VRTN: variants seen among roughly 807,000 people sequenced by gnomAD.
VRTN encodes vertnin.
VRTN carries 5 observed loss-of-function variants against 18.2 expected under a neutral mutation model. The ratio of observed to expected loss-of-function variants is 0.27; its 90% CI spans 0.14 to 0.58. The LOEUF is 0.58. Ranked by LOEUF, VRTN falls within the 20% of genes least tolerant of loss-of-function variation. The probability of loss-of-function intolerance (pLI) is 0.91; values close to 1 mark genes in which losing one functional copy is unlikely to be tolerated. For synonymous variants in VRTN, 381 were observed against 393.7 expected (o/e 0.97, Z 0.38); for missense variants, 741 against 939.4 (o/e 0.79, Z 2.76).
intron 1 of VRTN, chr14:74,306,649 T>C (rs920858156): frequency 2.0e-5 from 3 of 148,610 alleles, no homozygotes; most frequent in African/African-American, 7.5e-5. Context: ...TGCTCTGTGG[T>C]CCAGGTAGAG....
intron 1 of VRTN, among the ~76,000 whole-genome samples, chr14:74,328,736 G>A (rs2085502895): frequency 6.6e-6 from 1 of 152,244 alleles, no homozygotes; most frequent in Non-Finnish European, 1.5e-5. Flanking sequence ...CCTGGCTCAT[G>A]CTTGTAATCC....
intron 1 of VRTN, among the ~76,000 whole-genome samples, chr14:74,337,559 G>A (rs2140204847): frequency 6.6e-6 from 1 of 152,160 alleles, no homozygotes; most frequent in Non-Finnish European, 1.5e-5. Context: ...TCCCCTTCAT[G>A]GATGAAATAG....
chr14:74,324,718 T>C (rs1428425638), intron 1 of VRTN, among the ~76,000 whole-genome samples: 1 of 150,470 alleles, frequency 6.6e-6, no homozygotes, highest in Non-Finnish European at 1.5e-5. Context: ...CGAGACCCCG[T>C]CTCTACCAAA....
intron 1 of VRTN, among the ~76,000 whole-genome samples, chr14:74,303,556 C>A (rs115418527): frequency 6.6e-6 from 1 of 152,048 alleles, no homozygotes; most frequent in Non-Finnish European, 1.5e-5. Flanking sequence ...GTCTCAAAAA[C>A]AAATAAATAG....
rs1224330844 is a variant in VRTN at position 74,348,495 on chromosome 14, C to T, written c.-159C>T. 6.6e-6 allele frequency: 1 copy of T among 152,266 alleles called. No individual in the cohort carries two copies. Among genetic ancestry groups the T allele is most frequent in the African/African-American group, 2.4e-5 (1 of 41,458 alleles). The allele number at this position is 152,266 out of a possible 1,614,324, so 9.4% of individuals were successfully genotyped here. ...CAGTTGGCTGTAGACGGTCCATGCT[C>T]AATGGTCCTCTACAGATATGAAACT... On this transcript the variant is annotated 5_prime_UTR_variant, in exon 1 of 2. Coordinates refer to ENST00000256362, the MANE Select transcript of VRTN (RefSeq NM_018228.3).
At chr14:74,344,762 A>C (rs1389916992), upstream of VRTN, among the ~76,000 whole-genome samples, 2 of 146,412 alleles carry the variant, frequency 1.4e-5, no homozygotes, top group African/African-American at 2.5e-5. Context: ...AAAAAGAAAA[A>C]TGTAAAAATA....
intron 1 of VRTN, among the ~76,000 whole-genome samples, chr14:74,351,964 C>G (rs2085688093): frequency 6.6e-6 from 1 of 152,050 alleles, no homozygotes; most frequent in Non-Finnish European, 1.5e-5. Context: ...CTGCCTCAGC[C>G]TCCCGAGTAG....
intron 1 of VRTN, among the ~76,000 whole-genome samples, chr14:74,316,421 G>T (rs2085419887): frequency 6.6e-6 from 1 of 151,798 alleles, no homozygotes; most frequent in Non-Finnish European, 1.5e-5. Flanking sequence ...GCTGAGGCAG[G>T]AGAATCACTT....
chr14:74,307,975 GCCTCAGCCTC>G (rs2085365078), intron 1 of VRTN, among the ~76,000 whole-genome samples: 1 of 152,134 alleles, frequency 6.6e-6, no homozygotes, highest in Non-Finnish European at 1.5e-5. Context: ...TGATCTACCT[GCCTCAGCCTC>G]CCAAAGTGCT....
upstream of VRTN, among the ~76,000 whole-genome samples, chr14:74,343,979 T>C (rs957890539): frequency 6.6e-6 from 1 of 150,948 alleles, no homozygotes; most frequent in African/African-American, 2.4e-5. Flanking sequence ...TGTATTTTTG[T>C]AGATGCGGGG....
intron 1 of VRTN, among the ~76,000 whole-genome samples, chr14:74,329,582 A>ATT (rs879853327): frequency 2.9e-5 from 4 of 140,278 alleles, no homozygotes; most frequent in African/African-American, 5.2e-5. Context: ...CTGTGGAGGC[A>ATT]TTTTTTTTTT....
rs1246770806 is a variant in VRTN, at chr14:74,354,430, G to A, written c.-1-2353G>A. Among the ~76,000 whole-genome samples, 6 of 150,664 alleles carry A rather than the reference G, an allele frequency of 4.0e-5. No homozygotes were observed. In the South Asian group the frequency reaches 6.3e-4, roughly 16 times the overall value. ...ATGGGTCTTTTTTTTTTTTGAGATG[G>A]AGTCTCGCTCTGTCCCCAGGGTGGA... On this transcript the variant is annotated intron_variant, in intron 1 of 1. Transcript: ENST00000256362.
At chr14:74,306,954 A>G (rs17099305) in intron 1 of VRTN, among the ~76,000 whole-genome samples, 13,599 of 151,814 alleles carry the variant, frequency 0.09, 1,540 homozygotes, top group African/African-American at 0.26. Flanking sequence ...TTTTCTAAAT[A>G]TTGTCCTCCA....
rs1459325333 is a variant in VRTN at position 74,358,477 on chromosome 14, T to C, written c.1694T>C (p.Leu565Ser). The C allele has an allele frequency of 3.1e-6, 5 of 1,614,070 alleles. No homozygotes were observed. Among genetic ancestry groups the C allele is most frequent in the Non-Finnish European group, 4.2e-6 (5 of 1,179,994 alleles). ...AAACTTCAGGTGCCGGTCCCCACCT[T>C]GGGCAAAGGGGGGCAGGAGGCTGAG... ...LSKLQVPVPT[L>S]GKGGQEAEEK... The change falls in exon 2 of 2, where the codon TTG becomes TCG. Residue 565 changes from leucine to serine, a missense_variant. By Grantham distance (145) the Leu-to-Ser change is moderately radical (BLOSUM62 -2). This residue lies in a region of VRTN where 494 missense variants were observed against 546.5 expected (regional missense o/e 0.90). Coordinates refer to ENST00000256362, the MANE Select transcript of VRTN (RefSeq NM_018228.3). The surrounding 1 kb of genome is among the most constrained non-coding windows in gnomAD (Gnocchi z 5.4).
chr14:74,324,248 C>T (rs555352033), intron 1 of VRTN, among the ~76,000 whole-genome samples: 3 of 151,784 alleles, frequency 2.0e-5, no homozygotes, highest in South Asian at 2.1e-4. Context: ...GTTAGCTGAG[C>T]GTGGTGGCGG....
chr14:74,356,900 T>C lies in VRTN; in HGVS notation c.117T>C (p.Ser39=), dbSNP rs370012273. The change falls in exon 2 of 2, where the codon TCT becomes TCC. Residue 39 remains serine, a synonymous_variant. Coordinates refer to ENST00000256362, the MANE Select transcript of VRTN (RefSeq NM_018228.3). The stretch of plus-strand genomic sequence containing the variant: ...CCTTGGAGGCCAAGCAGGTCCTGTC[T>C]TCCTTCACTCTCCCCACCTGCCGGG... ...GASLEAKQVL[S]SFTLPTCREG... 6.2e-7 allele frequency: 1 copy of C among 1,613,908 alleles called. No homozygotes were observed. The highest frequency in any genetic ancestry group is 1.3e-5 in the African/African-American group (1 of 74,876).
intron 1 of VRTN, among the ~76,000 whole-genome samples, chr14:74,331,027 G>A (rs1411166712): frequency 1.3e-5 from 2 of 150,908 alleles, no homozygotes; most frequent in Non-Finnish European, 3.0e-5. Flanking sequence ...GTGAAACCCC[G>A]TCTCTACTAA....
intron 1 of VRTN, among the ~76,000 whole-genome samples, chr14:74,312,823 A>C (rs908342332): frequency 1.2e-4 from 18 of 147,260 alleles, no homozygotes; most frequent in African/African-American, 4.6e-4. Flanking sequence ...GCTCACTGCA[A>C]CCTTCGCCTC....
At chr14:74,329,876 C>CTTTTTT (rs61567546) in intron 1 of VRTN, among the ~76,000 whole-genome samples, 10 of 135,544 alleles carry the variant, frequency 7.4e-5, no homozygotes, top group East Asian at 2.1e-4. Flanking sequence ...CGGGCCTGGG[C>CTTTTTT]TTTTTTTTTT....
Sources: allele counts gnomAD v4.1 joint callset (sites outside exome capture counted in the v4.1 genomes callset), GRCh38; gene constraint gnomAD v4.1.1; regional missense constraint gnomAD v4.1.1; non-coding constraint Gnocchi (gnomAD v3.1); transcripts MANE v1.5; gene names NCBI Gene and HGNC (gene_info 2026-07-23, HGNC 2026-07-21).